The following RAB3C variants were observed in gnomAD, a reference collection of about 807,000 sequenced individuals.
RAB3C encodes the protein ras-related protein Rab-3C.
RAB3C carries 17 observed loss-of-function variants against 26.4 expected under a neutral mutation model. That is an observed-to-expected ratio of 0.64 (90% CI 0.44 to 0.97). The LOEUF is 0.97. RAB3C is among the 50% of genes least tolerant of loss of function. RAB3C has a pLI of 0.00. For synonymous variants in RAB3C, 91 were observed against 95.9 expected (o/e 0.95, Z 0.30); for missense variants, 242 against 281.9 (o/e 0.86, Z 1.01).
At chr5:58,749,195 C>T (rs1292875074) in intron 3 of RAB3C, among the ~76,000 whole-genome samples, 1 of 152,162 alleles carries the variant, frequency 6.6e-6, no homozygotes, top group African/African-American at 2.4e-5. Flanking sequence ...GTCTAATCTC[C>T]AGAAGCAGTA....
chr5:58,608,479 T>C (rs167133), intron 1 of RAB3C, among the ~76,000 whole-genome samples: 117,186 of 152,130 alleles, frequency 0.77, 45,178 homozygotes, highest in South Asian at 0.84. Flanking sequence ...AAATCAAAAC[T>C]ACAATGAGAT....
intron 4 of RAB3C, among the ~76,000 whole-genome samples, chr5:58,828,901 C>CTT (rs762653092): frequency 2.7e-4 from 33 of 122,414 alleles, no homozygotes; most frequent in East Asian, 9.2e-4. Flanking sequence ...TTTTACCATG[C>CTT]TTTTTTTTTT....
intron 4 of RAB3C, among the ~76,000 whole-genome samples, chr5:58,825,855 C>T (rs2662386): frequency 0.61 from 92,675 of 151,890 alleles, 28,552 homozygotes; most frequent in Middle Eastern, 0.74. Context: ...ATTGATTGAG[C>T]CAAGAAATTT....
At chr5:58,592,119 G>T (rs1308662643) in intron 1 of RAB3C, among the ~76,000 whole-genome samples, 1 of 151,840 alleles carries the variant, frequency 6.6e-6, no homozygotes, top group African/African-American at 2.4e-5. Flanking sequence ...CACCCATCTC[G>T]AACTCCTGAC....
At chr5:58,845,610 A>ATGTGTGTGTGTG (rs1363330767) in intron 4 of RAB3C, among the ~76,000 whole-genome samples, 1 of 53,230 alleles carries the variant, frequency 1.9e-5, no homozygotes, top group Admixed American at 1.7e-4. Flanking sequence ...ATATATATAT[A>ATGTGTGTGTGTG]TATGTGTGTG....
At chr5:58,834,227 T>C (rs1214631734) in intron 4 of RAB3C, among the ~76,000 whole-genome samples, 2 of 152,220 alleles carry the variant, frequency 1.3e-5, no homozygotes, top group African/African-American at 2.4e-5. Flanking sequence ...TTTAGTAAGC[T>C]GGGCACCAAA....
chr5:58,609,304 T>G (rs1406233509), intron 1 of RAB3C, among the ~76,000 whole-genome samples: 1 of 152,064 alleles, frequency 6.6e-6, no homozygotes, highest in Non-Finnish European at 1.5e-5. Flanking sequence ...CTTTTTACAT[T>G]TTACCTTCAG....
chr5:58,854,137 C>G lies in RAB3C; in HGVS notation c.*2786C>G, dbSNP rs1000872729. The G allele has an allele frequency of 1.3e-5, 2 of 151,368 alleles. No homozygotes were observed. The highest frequency in any genetic ancestry group is 2.9e-5 in the Non-Finnish European group (2 of 67,952). 9.4% of individuals were successfully genotyped at this position (151,368 alleles called of 1,614,324 possible). A position where few individuals can be genotyped will look rare whatever the true frequency, so the allele number is the denominator to read the frequency against. On this transcript the variant is annotated 3_prime_UTR_variant, in exon 5 of 5. Coordinates refer to ENST00000282878, the MANE Select transcript of RAB3C (RefSeq NM_138453.4). The stretch of plus-strand genomic sequence containing the variant: ...AATGCAGGTCATTTTTATCAATGGC[C>G]TAACTAAATTTATATTTAAAAGAAC...
chr5:58,736,023 A>T (rs1321539367), intron 3 of RAB3C, among the ~76,000 whole-genome samples: 1 of 152,174 alleles, frequency 6.6e-6, no homozygotes, highest in African/African-American at 2.4e-5. Flanking sequence ...CTGCATGTAC[A>T]CCTAGGCTCT....
At chr5:58,847,474 A>G (rs1744029220) in intron 4 of RAB3C, among the ~76,000 whole-genome samples, 1 of 152,234 alleles carries the variant, frequency 6.6e-6, no homozygotes, top group Non-Finnish European at 1.5e-5. Flanking sequence ...AACAAGCTCA[A>G]AATACTGAGA....
At position 58,643,357 on chromosome 5, in the gene RAB3C, TG is replaced by T. The variant is rs1290514965; in HGVS notation, c.252+25488del. Among the ~76,000 whole-genome samples the T allele has an allele frequency of 2.6e-5, 4 of 152,248 alleles. No homozygotes were observed. The East Asian group carries it at 7.7e-4, about 29-fold the overall frequency. The stretch of plus-strand genomic sequence containing the variant: ...CCTTTTTCAGTGAATTTAGGATAAA[TG>T]ACATAAGTATCAGTTGGCCGGCTTA... On this transcript the variant is annotated intron_variant, in intron 2 of 4. Transcript: ENST00000282878.
At chr5:58,641,565 C>T (rs952954810) in intron 2 of RAB3C, among the ~76,000 whole-genome samples, 1 of 152,230 alleles carries the variant, frequency 6.6e-6, no homozygotes, top group African/African-American at 2.4e-5. Flanking sequence ...TGGGAGCACT[C>T]TGGCCTCTCT....
chr5:58,734,912 C>G (rs545633635), intron 3 of RAB3C, among the ~76,000 whole-genome samples: 16 of 152,356 alleles, frequency 1.1e-4, no homozygotes, highest in Non-Finnish European at 2.4e-4. Flanking sequence ...AGGCTGTTGT[C>G]CTGCAAGCCT....
chr5:58,791,052 T>G (rs942115054), intron 3 of RAB3C, among the ~76,000 whole-genome samples: 2 of 128,324 alleles, frequency 1.6e-5, no homozygotes, highest in Admixed American at 8.5e-5. Context: ...TCTGGCTACA[T>G]ATAATTTTTG....
In RAB3C at chr5:58,852,286, C is replaced by T. The variant is rs887580677; in HGVS notation, c.*935C>T. On this transcript the variant is annotated 3_prime_UTR_variant, in exon 5 of 5. Transcript: ENST00000282878. ...CCACCACCACCATCACTTTCTGGAA[C>T]CATCACCAACTCTTGGACTAGAGCT... 6.6e-6 allele frequency: 1 copy of T among 152,168 alleles called. No individual in the cohort carries two copies. The highest frequency in any genetic ancestry group is 1.5e-5 in the Non-Finnish European group (1 of 68,054). 9.4% of individuals were successfully genotyped at this position (152,168 alleles called of 1,614,324 possible). A position where few individuals can be genotyped will look rare whatever the true frequency, so the allele number is the denominator to read the frequency against.
intron 1 of RAB3C, among the ~76,000 whole-genome samples, chr5:58,585,141 T>TG (rs1320426665): frequency 1.3e-5 from 2 of 152,030 alleles, no homozygotes; most frequent in Non-Finnish European, 2.9e-5. Flanking sequence ...TTTTAGGAAA[T>TG]CAAAGACTTT....
intron 4 of RAB3C, among the ~76,000 whole-genome samples, chr5:58,850,323 T>C (rs944236391): frequency 6.6e-6 from 1 of 152,158 alleles, no homozygotes; most frequent in Non-Finnish European, 1.5e-5. Context: ...CAGATGTTGG[T>C]AAAAACATTC....
chr5:58,816,024 G>T (rs1743208097), intron 3 of RAB3C, among the ~76,000 whole-genome samples: 1 of 152,128 alleles, frequency 6.6e-6, no homozygotes, highest in African/African-American at 2.4e-5. Flanking sequence ...AAGTTTAGTG[G>T]TGTACCCATA....
Position 58,765,023 on chromosome 5 carries a change from T to C in RAB3C, c.371+38903T>C, listed in dbSNP as rs550880593. On this transcript the variant is annotated intron_variant, in intron 3 of 4. Coordinates refer to ENST00000282878, the MANE Select transcript of RAB3C (RefSeq NM_138453.4). ...AAGACTGATGTATTTGTGAAATATA[T>C]CTTAATATTCTATTGTCTTTCTTCA... 2.6e-5 allele frequency among the ~76,000 whole-genome samples: 4 copies of C among 152,296 alleles called. No individual in the cohort carries two copies. The East Asian group carries it at 7.7e-4, about 29-fold the overall frequency.
Sources: allele counts gnomAD v4.1 joint callset (sites outside exome capture counted in the v4.1 genomes callset), GRCh38; gene constraint gnomAD v4.1.1; transcripts MANE v1.5; gene names NCBI Gene and HGNC (gene_info 2026-07-23, HGNC 2026-07-21).